BACE2: variants seen among roughly 807,000 people sequenced by gnomAD.
BACE2 encodes the protein 56 kDa aspartic-like protease.
Under a neutral mutation model 46.2 loss-of-function variants are expected in BACE2, and 17 were observed. The ratio of observed to expected loss-of-function variants is 0.37; its 90% CI spans 0.25 to 0.55. The LOEUF (loss-of-function observed/expected upper bound fraction) is 0.55, where lower values mean the gene tolerates loss of function less well. Ranked by LOEUF, BACE2 falls within the 20% of genes least tolerant of loss-of-function variation. The probability of loss-of-function intolerance (pLI) is 0.82; values close to 1 mark genes in which losing one functional copy is unlikely to be tolerated. For synonymous variants in BACE2, 277 were observed against 295.9 expected (o/e 0.94, Z 0.66); for missense variants, 595 against 698.1 (o/e 0.85, Z 1.66).
intron 8 of BACE2, among the ~76,000 whole-genome samples, chr21:41,264,074 A>G (rs1988005749): frequency 6.6e-6 from 1 of 152,156 alleles, no homozygotes; most frequent in African/African-American, 2.4e-5. Context: ...ATTTCTTCAG[A>G]TACATTTTAT....
At chr21:41,221,108 A>AT (rs1986631308) in intron 1 of BACE2, among the ~76,000 whole-genome samples, 1 of 151,534 alleles carries the variant, frequency 6.6e-6, no homozygotes, top group East Asian at 1.9e-4. Context: ...TCAAACCTTC[A>AT]TCCCCCAAAT....
intron 7 of BACE2, 58 bp from the exon 8 acceptor site, chr21:41,257,100 G>A (rs1987806244): frequency 6.2e-7 from 1 of 1,605,712 alleles, no homozygotes; most frequent in African/African-American, 1.3e-5. Context: ...GCAATTTTGT[G>A]ATACTGCCTG....
At chr21:41,175,277 C>T (rs1256116773) in intron 1 of BACE2, 1 of 152,190 alleles carries the variant, frequency 6.6e-6, no homozygotes, top group Non-Finnish European at 1.5e-5. Flanking sequence ...ATACCTGCAC[C>T]TAGAAATATA....
chr21:41,202,636 G>A (rs1298830807), intron 1 of BACE2, among the ~76,000 whole-genome samples: 2 of 152,186 alleles, frequency 1.3e-5, no homozygotes, highest in Non-Finnish European at 2.9e-5. Flanking sequence ...AGAACGTGGT[G>A]AAAAATATGC....
intron 8 of BACE2, 40 bp downstream of exon 8, chr21:41,257,366 G>A (rs748025010): frequency 2.5e-6 from 4 of 1,602,046 alleles, no homozygotes; most frequent in South Asian, 2.2e-5. Context: ...CCCGACAAGA[G>A]TCCTTTATGT....
chr21:41,255,414 G>A lies in BACE2; in HGVS notation c.1135-1744G>A, dbSNP rs1601313256. Among the ~76,000 whole-genome samples, 3 of 152,302 alleles carry A rather than the reference G, an allele frequency of 2.0e-5. No individual in the cohort carries two copies. In the South Asian group the frequency reaches 6.2e-4, roughly 32 times the overall value. ...GATGCTTGCAGGGGAGGAAGATGAA[G>A]GAAATCCAATACAGTGCCTGAGAAG... On this transcript the variant is annotated intron_variant, in intron 7 of 8. Coordinates refer to ENST00000330333, the MANE Select transcript of BACE2 (RefSeq NM_012105.5).
intron 1 of BACE2, among the ~76,000 whole-genome samples, chr21:41,198,774 C>G (rs2837966): frequency 0.13 from 20,030 of 152,052 alleles, 1,569 homozygotes; most frequent in Non-Finnish European, 0.18. Context: ...AAACAGACTG[C>G]TTCTGGAGCT....
intron 2 of BACE2, among the ~76,000 whole-genome samples, chr21:41,230,808 A>G (rs2837974): frequency 0.21 from 31,804 of 152,100 alleles, 6,051 homozygotes; most frequent in African/African-American, 0.51. Context: ...GAATGTTCCA[A>G]TGAGTTACTA....
intron 1 of BACE2, among the ~76,000 whole-genome samples, chr21:41,196,842 G>A (rs747470384): frequency 1.3e-5 from 2 of 152,192 alleles, no homozygotes; most frequent in African/African-American, 4.8e-5. Flanking sequence ...TCTAGGGATC[G>A]CTGATTCTGC....
At chr21:41,191,215 A>G (rs986748690) in intron 1 of BACE2, among the ~76,000 whole-genome samples, 3 of 152,194 alleles carry the variant, frequency 2.0e-5, no homozygotes, top group Non-Finnish European at 4.4e-5. Context: ...ATTGTCACCT[A>G]GTTGGCATTG....
intron 1 of BACE2, chr21:41,184,609 C>T (rs1192718640): frequency 6.0e-6 from 1 of 167,050 alleles, no homozygotes; most frequent in South Asian, 2.1e-4. Flanking sequence ...TGGTTGGGCT[C>T]ATTTTCTTGG....
chr21:41,244,884 T>TGA (rs1440239276), intron 5 of BACE2, among the ~76,000 whole-genome samples: 1 of 150,650 alleles, frequency 6.6e-6, no homozygotes, highest in African/African-American at 2.5e-5. Flanking sequence ...TGTGTGTGAG[T>TGA]GTGTGTGTAT....
At chr21:41,223,067 G>T (rs1203307162) in intron 1 of BACE2, among the ~76,000 whole-genome samples, 1 of 152,164 alleles carries the variant, frequency 6.6e-6, no homozygotes, top group Non-Finnish European at 1.5e-5. Context: ...AAAACAACAG[G>T]AATGGGCCAG....
chr21:41,171,080 C>G (rs573228546), intron 1 of BACE2, among the ~76,000 whole-genome samples: 1 of 152,372 alleles, frequency 6.6e-6, no homozygotes, highest in South Asian at 2.1e-4. Flanking sequence ...ACTTCCTTCC[C>G]TTCATGCCTC....
intron 1 of BACE2, chr21:41,179,464 G>A: frequency 2.3e-6 from 3 of 1,318,502 alleles, no homozygotes; most frequent in Non-Finnish European, 3.0e-6. Flanking sequence ...AGGGTGTCCA[G>A]GGTGCAGAGT....
chr21:41,201,703 C>G (rs1482530340), intron 1 of BACE2, among the ~76,000 whole-genome samples: 1 of 152,198 alleles, frequency 6.6e-6, no homozygotes, highest in East Asian at 1.9e-4. Context: ...CAAAAAGCTG[C>G]AAGACTGTTG....
chr21:41,236,190 G>A (rs895271418), intron 2 of BACE2, among the ~76,000 whole-genome samples: 2 of 152,146 alleles, frequency 1.3e-5, no homozygotes, highest in African/African-American at 4.8e-5. Context: ...ATGGGCATAG[G>A]AATGACCTTA....
intron 1 of BACE2, among the ~76,000 whole-genome samples, chr21:41,219,545 T>A (rs1191661423): frequency 6.6e-6 from 1 of 152,116 alleles, no homozygotes. Context: ...TTGTGGTGAG[T>A]TACTGATAAC....
chr21:41,229,068 C>A (rs1988551921), intron 2 of BACE2, among the ~76,000 whole-genome samples: 1 of 152,192 alleles, frequency 6.6e-6, no homozygotes, highest in South Asian at 2.1e-4. Context: ...GGATAACCAG[C>A]ATGCTTATCA....
Sources: gnomAD v4.1 joint callset for allele counts (sites outside exome capture counted in the v4.1 genomes callset) on GRCh38, gnomAD v4.1.1 for gene constraint, MANE v1.5 for transcripts, NCBI Gene and HGNC (gene_info 2026-07-23, HGNC 2026-07-21) for gene names.